The following ANK3 variants were observed in gnomAD, a reference collection of about 807,000 sequenced individuals.
ANK3 encodes ankyrin 3, also known as ankyrin-3.
Under a neutral mutation model 370.9 loss-of-function variants are expected in ANK3, and 57 were observed. The observed-to-expected ratio is 0.15, with a 90% CI of 0.12 to 0.19. The LOEUF (loss-of-function observed/expected upper bound fraction) is 0.19, where lower values mean the gene tolerates loss of function less well. ANK3 is among the 10% of genes least tolerant of loss of function. The pLI, the probability that ANK3 is intolerant of heterozygous loss-of-function variation, is 1.00. For synonymous variants in ANK3, 1,929 were observed against 1,946.3 expected, an observed-to-expected ratio of 0.99 and a Z score of 0.23; for missense variants, 4,439 against 5,302.1, an observed-to-expected ratio of 0.84 and a Z score of 5.06.
intron 2 of ANK3, among the ~76,000 whole-genome samples, chr10:60,412,543 AT>A (rs558884372): frequency 1.4e-4 from 21 of 152,236 alleles, no homozygotes; most frequent in African/African-American, 4.8e-4. Flanking sequence ...AAGTGAGCCA[AT>A]TTCTGACAAC....
chr10:60,254,739 C>T (rs150409924), intron 7 of ANK3, among the ~76,000 whole-genome samples: 113 of 152,244 alleles, frequency 7.4e-4, no homozygotes, highest in African/African-American at 2.4e-3. Flanking sequence ...TCTCCCTTAA[C>T]GCAGCTGAGT....
chr10:60,108,578 C>T (rs572798707), intron 27 of ANK3, among the ~76,000 whole-genome samples: 1 of 152,148 alleles, frequency 6.6e-6, no homozygotes, highest in East Asian at 1.9e-4. Context: ...ACTGGGGTTC[C>T]GTGCACTTGC....
chr10:60,267,040 A>T (rs1161528744), intron 5 of ANK3, among the ~76,000 whole-genome samples: 10 of 152,244 alleles, frequency 6.6e-5, no homozygotes, highest in Admixed American at 5.2e-4. Context: ...ACGTTTTAAA[A>T]ACCACAATTA....
chr10:60,612,492 TTA>T (rs1254489892), intron 2 of ANK3, among the ~76,000 whole-genome samples: 4 of 152,122 alleles, frequency 2.6e-5, no homozygotes, highest in African/African-American at 9.7e-5. Context: ...TTGTTGGTTT[TTA>T]TTTCATTTTA....
intron 2 of ANK3, among the ~76,000 whole-genome samples, chr10:60,517,587 C>T (rs1184187344): frequency 2.0e-5 from 3 of 152,102 alleles, no homozygotes; most frequent in Non-Finnish European, 1.5e-5. Flanking sequence ...GCTATAACTA[C>T]AAGCCTGGCC....
chr10:60,497,800 T>C (rs1375226652), intron 2 of ANK3, among the ~76,000 whole-genome samples: 1 of 152,156 alleles, frequency 6.6e-6, no homozygotes, highest in Non-Finnish European at 1.5e-5. Context: ...AAAAGTACTG[T>C]CCTAGATGAT....
intron 7 of ANK3, among the ~76,000 whole-genome samples, chr10:60,257,642 T>C (rs2097757377): frequency 6.6e-6 from 1 of 152,172 alleles, no homozygotes; most frequent in Non-Finnish European, 1.5e-5. Context: ...CCCTTTCCAC[T>C]ATATATATCA....
At chr10:60,277,500 CT>C (rs2098108557) in intron 4 of ANK3, among the ~76,000 whole-genome samples, 1 of 152,188 alleles carries the variant, frequency 6.6e-6, no homozygotes, top group African/African-American at 2.4e-5. Context: ...ACATTCTTCA[CT>C]TTTTAATTTT....
intron 2 of ANK3, among the ~76,000 whole-genome samples, chr10:60,407,640 A>G (rs956062396): frequency 2.6e-5 from 4 of 152,208 alleles, no homozygotes; most frequent in African/African-American, 9.7e-5. Context: ...ACATGCCAAG[A>G]TTTATATAAA....
chr10:60,059,696 A>G (rs1392925613), intron 40 of ANK3: 1 of 1,608,230 alleles, frequency 6.2e-7, no homozygotes, highest in African/African-American at 1.3e-5. Flanking sequence ...GAGGATACTC[A>G]CTCAGACATA....
At chr10:60,086,517 C>A in intron 30 of ANK3, 160 bp downstream of exon 30, 1 of 574,376 alleles carries the variant, frequency 1.7e-6, no homozygotes, top group Non-Finnish European at 2.8e-6. Context: ...CCTTGGGAAA[C>A]CAGAGATGAG....
chr10:60,414,771 G>A (rs2063627165), intron 2 of ANK3, among the ~76,000 whole-genome samples: 1 of 152,134 alleles, frequency 6.6e-6, no homozygotes, highest in Admixed American at 6.6e-5. Context: ...AAAGTTGGTG[G>A]CAGCTACCTT....
At chr10:60,608,257 C>A (rs1454502866) in intron 2 of ANK3, among the ~76,000 whole-genome samples, 1 of 152,132 alleles carries the variant, frequency 6.6e-6, no homozygotes, top group Non-Finnish European at 1.5e-5. Context: ...TTTTACTGCA[C>A]CATTTGAAGT....
chr10:60,140,842 C>G (rs2094528790), intron 23 of ANK3: 1 of 991,886 alleles, frequency 1.0e-6, no homozygotes, highest in Non-Finnish European at 1.2e-6. Flanking sequence ...ACCAAGACAG[C>G]CTTCATGTAG....
intron 2 of ANK3, among the ~76,000 whole-genome samples, chr10:60,540,072 T>A (rs1164266080): frequency 6.6e-6 from 1 of 151,780 alleles, no homozygotes; most frequent in Admixed American, 6.6e-5. Flanking sequence ...AAGAAGAAAA[T>A]GACAGGCTCC....
intron 2 of ANK3, among the ~76,000 whole-genome samples, chr10:60,504,847 T>G (rs2075892323): frequency 6.6e-6 from 1 of 152,072 alleles, no homozygotes; most frequent in African/African-American, 2.4e-5. Flanking sequence ...TCTTGAGAGA[T>G]ATAACAAATG....
At chr10:60,714,423 G>C (rs908853178) in intron 1 of ANK3, among the ~76,000 whole-genome samples, 1 of 152,008 alleles carries the variant, frequency 6.6e-6, no homozygotes, top group Non-Finnish European at 1.5e-5. Context: ...ACCAAAACTA[G>C]ACAAAGACAT....
rs377186075 is a variant in ANK3, at chr10:60,033,470, G to A, written c.*20-3644C>T. ...GCGGAGGTTGCAGTGAGCTGAAATC[G>A]GGCCATCACACTCCAGCCTGGACAA... On this transcript the variant is annotated intron_variant, in intron 43 of 43. Coordinates refer to ENST00000280772, the MANE Select transcript of ANK3 (RefSeq NM_020987.5). Among the ~76,000 whole-genome samples the A allele has an allele frequency of 2.0e-4, 26 of 133,318 alleles. 1 individual carries two copies. The highest frequency in any genetic ancestry group is 1.3e-3 in the Admixed American group (15 of 11,670). The allele number at this position is 133,318 out of a possible 152,430, so 87.5% of individuals were successfully genotyped here.
chr10:60,240,016 C>CATAT (rs10629894), intron 7 of ANK3, among the ~76,000 whole-genome samples: 1 of 141,718 alleles, frequency 7.1e-6, no homozygotes, highest in Non-Finnish European at 1.5e-5. Context: ...AATATATACA[C>CATAT]ATATATACAC....
Sources: gnomAD v4.1 joint callset for allele counts (sites outside exome capture counted in the v4.1 genomes callset) on GRCh38, gnomAD v4.1.1 for gene constraint, MANE v1.5 for transcripts, NCBI Gene and HGNC (gene_info 2026-07-23, HGNC 2026-07-21) for gene names.